PSD3: variants seen among roughly 807,000 people sequenced by gnomAD.
PSD3 encodes PH and SEC7 domain-containing protein 3.
In PSD3, 49 loss-of-function variants were observed where a neutral mutation model predicts 105.5. That is an observed-to-expected ratio of 0.46 (90% CI 0.37 to 0.59). The LOEUF is 0.59. Among genes scored for constraint, PSD3 ranks in the 20% least tolerant of loss-of-function variants. PSD3 has a pLI of 0.00. For missense variants in PSD3, 1,561 were observed against 1,263.8 expected, an observed-to-expected ratio of 1.24 and a Z score of -3.57; for synonymous variants, 557 against 457.8, an observed-to-expected ratio of 1.22 and a Z score of -2.77.
At chr8:18,987,173 G>T (rs1017748837) in intron 1 of PSD3, among the ~76,000 whole-genome samples, 1 of 151,768 alleles carries the variant, frequency 6.6e-6, no homozygotes, top group Non-Finnish European at 1.5e-5. Flanking sequence ...AACACTCACG[G>T]TATTATTTAT....
chr8:18,999,517 G>A (rs929083376), intron 1 of PSD3, among the ~76,000 whole-genome samples: 6 of 149,676 alleles, frequency 4.0e-5, no homozygotes, highest in Non-Finnish European at 5.9e-5. Flanking sequence ...CCAAAATTAT[G>A]TAACTTAAAT....
At chr8:18,950,403 A>G (rs1823162371) in intron 1 of PSD3, among the ~76,000 whole-genome samples, 1 of 152,196 alleles carries the variant, frequency 6.6e-6, no homozygotes. Flanking sequence ...GAAATGTATA[A>G]TACACCATTA....
intron 1 of PSD3, among the ~76,000 whole-genome samples, chr8:19,022,919 C>T (rs914236663): frequency 2.7e-4 from 41 of 150,772 alleles, no homozygotes; most frequent in East Asian, 2.0e-4. Context: ...TCCACTTGGA[C>T]GTACTTTGCT....
At chr8:19,037,587 CA>C (rs1463566641) in intron 1 of PSD3, among the ~76,000 whole-genome samples, 1 of 152,098 alleles carries the variant, frequency 6.6e-6, no homozygotes, top group Non-Finnish European at 1.5e-5. Context: ...TCATCCTCAC[CA>C]ATATGAATGG....
At chr8:18,769,766 TTAACA>T (rs1563245288) in intron 8 of PSD3, among the ~76,000 whole-genome samples, 1 of 152,238 alleles carries the variant, frequency 6.6e-6, no homozygotes, top group Non-Finnish European at 1.5e-5. Flanking sequence ...CTTCTTTTAC[TTAACA>T]TGTTTTCCAA....
intron 10 of PSD3, among the ~76,000 whole-genome samples, chr8:18,643,552 G>C (rs1179261040): frequency 6.6e-6 from 1 of 152,208 alleles, no homozygotes; most frequent in Non-Finnish European, 1.5e-5. Context: ...AAATACTATG[G>C]TGAGACAGAC....
In PSD3 at chr8:18,647,763, G is replaced by A. The variant is rs563814549; in HGVS notation, c.2216+7879C>T. On this transcript the variant is annotated intron_variant, in intron 10 of 15. Transcript: ENST00000327040. Reference sequence around the variant, plus strand: ...CCAAATGTTGAATGTGGGGCCTGGTGAGAGGTGACTCGATCATAATGGCAT... The same window carrying A: ...CCAAATGTTGAATGTGGGGCCTGGTAAGAGGTGACTCGATCATAATGGCAT... Among the ~76,000 whole-genome samples the A allele has an allele frequency of 1.4e-4, 22 of 152,126 alleles. 1 individual carries two copies. In the East Asian group the frequency reaches 4.1e-3, roughly 28 times the overall value.
At position 18,702,644 on chromosome 8, in the gene PSD3, G is replaced by C. The variant is rs183041382; in HGVS notation, c.2173-46959C>G. Among the ~76,000 whole-genome samples the C allele has an allele frequency of 3.3e-5, 5 of 151,278 alleles. No individual in the cohort carries two copies. The East Asian group carries it at 9.7e-4, about 29-fold the overall frequency. On this transcript the variant is annotated intron_variant, in intron 9 of 15. Coordinates refer to ENST00000327040, the MANE Select transcript of PSD3 (RefSeq NM_015310.4). ...CTTTCTTTTTTTGAGATGGAATCTC[G>C]CTCTGTTGCCCAGGCTGGAGTGCAG...
chr8:19,079,179 C>T (rs1829561814), intron 1 of PSD3, among the ~76,000 whole-genome samples: 1 of 152,030 alleles, frequency 6.6e-6, no homozygotes, highest in Admixed American at 6.6e-5. Context: ...AACACTAAGG[C>T]AAATCACAAG....
chr8:18,704,081 A>G (rs1016257573), intron 9 of PSD3, among the ~76,000 whole-genome samples: 1 of 152,226 alleles, frequency 6.6e-6, no homozygotes, highest in Non-Finnish European at 1.5e-5. Flanking sequence ...ATGTACCAAA[A>G]TGCTACTTTC....
At chr8:18,953,530 C>T (rs1056657628) in intron 1 of PSD3, among the ~76,000 whole-genome samples, 1 of 152,100 alleles carries the variant, frequency 6.6e-6, no homozygotes, top group Non-Finnish European at 1.5e-5. Flanking sequence ...GGGTGGATTA[C>T]CAGAGGTCAG....
chr8:19,036,688 C>CT (rs1827953727), intron 1 of PSD3, among the ~76,000 whole-genome samples: 1 of 152,120 alleles, frequency 6.6e-6, no homozygotes, highest in Non-Finnish European at 1.5e-5. Flanking sequence ...CTGAGAATGC[C>CT]TTCAGCTATC....
At chr8:18,974,529 C>T (rs1044578880) in intron 1 of PSD3, among the ~76,000 whole-genome samples, 8 of 152,120 alleles carry the variant, frequency 5.3e-5, no homozygotes, top group South Asian at 4.1e-4. Context: ...CTGTGCCATT[C>T]GGCAAGAACT....
At position 18,655,632 on chromosome 8, in the gene PSD3, G is replaced by A; in HGVS notation, c.2216+10C>T. 3 of 1,613,132 alleles carry A rather than the reference G, an allele frequency of 1.9e-6. No homozygotes were observed. On this transcript the variant is annotated intron_variant, in intron 10 of 15. Coordinates refer to ENST00000327040, the MANE Select transcript of PSD3 (RefSeq NM_015310.4). ...TTCATTATTAAAAGGCTGACGTCCAGCACACTTACACTGCCCATTCAAGCT... is the reference window on the plus strand; with the variant it reads ...TTCATTATTAAAAGGCTGACGTCCAACACACTTACACTGCCCATTCAAGCT...
intron 1 of PSD3, among the ~76,000 whole-genome samples, chr8:19,076,499 A>G (rs1215970421): frequency 1.3e-5 from 2 of 152,194 alleles, no homozygotes; most frequent in African/African-American, 4.8e-5. Flanking sequence ...TTTATTAAAT[A>G]TAAGGGCAAA....
At chr8:18,973,741 T>C (rs1824778819) in intron 1 of PSD3, among the ~76,000 whole-genome samples, 1 of 152,212 alleles carries the variant, frequency 6.6e-6, no homozygotes, top group Non-Finnish European at 1.5e-5. Context: ...GATGGCAGAA[T>C]TAGACATGAA....
At chr8:18,807,893 C>T (rs1464893827) in intron 4 of PSD3, among the ~76,000 whole-genome samples, 1 of 152,108 alleles carries the variant, frequency 6.6e-6, no homozygotes, top group African/African-American at 2.4e-5. Context: ...TGCTTTAGCC[C>T]AGGAGTTTGA....
intron 4 of PSD3, among the ~76,000 whole-genome samples, chr8:18,862,961 C>T (rs1351828975): frequency 6.6e-6 from 1 of 151,872 alleles, no homozygotes. Context: ...GAAGCGCTTC[C>T]CTCAGGCAGA....
chr8:18,933,070 G>A (rs1047243439), intron 2 of PSD3, among the ~76,000 whole-genome samples: 9 of 152,176 alleles, frequency 5.9e-5, no homozygotes, highest in African/African-American at 1.7e-4. Flanking sequence ...TGTGCCCAAC[G>A]CAAGTAACCT....
Sources: gnomAD v4.1 joint callset for allele counts (sites outside exome capture counted in the v4.1 genomes callset) on GRCh38, gnomAD v4.1.1 for gene constraint, MANE v1.5 for transcripts, NCBI Gene and HGNC (gene_info 2026-07-23, HGNC 2026-07-21) for gene names.